Variants in CHD6 observed in about 807,000 individuals in gnomAD.
The protein encoded by CHD6 is ATP-dependent chromatin remodeler CHD6.
In CHD6, 50 loss-of-function variants were observed where a neutral mutation model predicts 276.9. That is an observed-to-expected ratio of 0.18 (90% CI 0.14 to 0.23). The LOEUF is 0.23. Among genes scored for constraint, CHD6 ranks in the 10% least tolerant of loss-of-function variants. CHD6 has a pLI of 1.00. For synonymous variants in CHD6, 1,173 were observed against 1,229.3 expected (o/e 0.95, Z 0.96); for missense variants, 2,564 against 3,365.8 (o/e 0.76, Z 5.89).
At chr20:41,479,667 GAC>G (rs1306215071) in intron 16 of CHD6, among the ~76,000 whole-genome samples, 2 of 152,118 alleles carry the variant, frequency 1.3e-5, no homozygotes, top group African/African-American at 2.4e-5. Flanking sequence ...GACAGGAGAA[GAC>G]ACTGTACTTG....
chr20:41,483,125 G>C (rs1026232876), intron 16 of CHD6, among the ~76,000 whole-genome samples, 184 bp downstream of exon 16: 9 of 152,032 alleles, frequency 5.9e-5, no homozygotes, highest in African/African-American at 1.9e-4. Context: ...ACTCTTGACA[G>C]TTAAACTTGG....
chr20:41,448,467 C>T (rs768931045), intron 23 of CHD6, among the ~76,000 whole-genome samples: 1 of 152,242 alleles, frequency 6.6e-6, no homozygotes, highest in Non-Finnish European at 1.5e-5. Flanking sequence ...ATGGACCACA[C>T]TCAGGCTCCA....
chr20:41,460,405 C>G (rs1426021280), intron 17 of CHD6, among the ~76,000 whole-genome samples: 1 of 152,230 alleles, frequency 6.6e-6, no homozygotes, highest in African/African-American at 2.4e-5. Context: ...CAGAGACCTT[C>G]ATGGCAGCCC....
intron 1 of CHD6, among the ~76,000 whole-genome samples, chr20:41,599,243 T>C (rs902107154): frequency 6.6e-6 from 1 of 152,120 alleles, no homozygotes; most frequent in Non-Finnish European, 1.5e-5. Context: ...CCAAGAAAGG[T>C]GGGAGTCTGT....
chr20:41,617,704 T>C (rs1300556201), intron 1 of CHD6, among the ~76,000 whole-genome samples: 1 of 151,986 alleles, frequency 6.6e-6, no homozygotes, highest in African/African-American at 2.4e-5. Flanking sequence ...GGGCTCCAAT[T>C]TTCGGGGCGA....
chr20:41,607,313 G>A (rs2146298608), intron 1 of CHD6, among the ~76,000 whole-genome samples: 1 of 152,280 alleles, frequency 6.6e-6, no homozygotes, highest in East Asian at 1.9e-4. Context: ...TTCTTCTTGA[G>A]TCTTAACAAA....
At chr20:41,548,733 G>A (rs867752368) in intron 2 of CHD6, among the ~76,000 whole-genome samples, 4 of 151,880 alleles carry the variant, frequency 2.6e-5, no homozygotes, top group African/African-American at 4.8e-5. Flanking sequence ...GAAAATTTTC[G>A]CAACCTACTC....
At chr20:41,431,864 C>T (rs1600842937) in intron 27 of CHD6, among the ~76,000 whole-genome samples, 2 of 146,110 alleles carry the variant, frequency 1.4e-5, no homozygotes, top group African/African-American at 5.2e-5. Context: ...AAAAAAGGCC[C>T]TCAAAAAAAA....
chr20:41,524,311 C>T (rs1022018239), intron 3 of CHD6, among the ~76,000 whole-genome samples: 2 of 152,082 alleles, frequency 1.3e-5, no homozygotes, highest in African/African-American at 2.4e-5. Context: ...TAAAAAGACC[C>T]TAATTATTTT....
chr20:41,520,928 T>C (rs1358508063), intron 3 of CHD6, among the ~76,000 whole-genome samples: 4 of 151,814 alleles, frequency 2.6e-5, no homozygotes. Flanking sequence ...TGTGTAAGAA[T>C]AAAGGGAAAA....
At chr20:41,459,851 G>A (rs535516787) in intron 17 of CHD6, among the ~76,000 whole-genome samples, 17 of 152,338 alleles carry the variant, frequency 1.1e-4, no homozygotes, top group South Asian at 1.0e-3. Flanking sequence ...ACCCGAAAAC[G>A]CGGAAGCGAC....
chr20:41,480,854 CTTT>C (rs1471938248), intron 16 of CHD6, among the ~76,000 whole-genome samples: 1 of 152,018 alleles, frequency 6.6e-6, no homozygotes, highest in East Asian at 1.9e-4. Context: ...GCACATACAA[CTTT>C]AATGAAAATA....
In CHD6 at chr20:41,452,843, C is replaced by T. The variant is rs2048279928; in HGVS notation, c.3220G>A (p.Asp1074Asn). The T allele has an allele frequency of 6.2e-7, 1 of 1,613,290 alleles. No individual in the cohort carries two copies. The highest frequency in any genetic ancestry group is 8.5e-7 in the Non-Finnish European group (1 of 1,179,870). Residue 1074 changes from aspartate (D) to asparagine (N), a missense_variant, in exon 21 of 37, where the codon GAC becomes AAC. Coordinates refer to ENST00000373233, the MANE Select transcript of CHD6 (RefSeq NM_032221.5). This position sits in a 1 kb window ranked among gnomAD's most constrained non-coding sequence, Gnocchi z 4.2. ...GATCTCGTGGGCCTTTCGTCTGAGT[C>T]GCTGTCTAACTCTGAAAACTCCATG... ...ELMEFSELDS[D>N]SDERPTRSRR...
chr20:41,499,485 A>G (rs2043779555), intron 5 of CHD6, 128 bp from the exon 6 acceptor site: 1 of 690,264 alleles, frequency 1.4e-6, no homozygotes, highest in Admixed American at 2.9e-5. Flanking sequence ...AAGGCCTCCC[A>G]TCAGGCCACA....
intron 1 of CHD6, among the ~76,000 whole-genome samples, chr20:41,572,890 G>A (rs1365535559): frequency 6.6e-6 from 1 of 151,894 alleles, no homozygotes; most frequent in Non-Finnish European, 1.5e-5. Flanking sequence ...CTGTACTTGG[G>A]ACAGTATAAT....
intron 1 of CHD6, among the ~76,000 whole-genome samples, chr20:41,562,513 T>G (rs953734720): frequency 2.0e-5 from 3 of 152,162 alleles, no homozygotes; most frequent in Middle Eastern, 3.4e-3. Flanking sequence ...TTTTGTATTA[T>G]GAATTCTTTT....
intron 1 of CHD6, chr20:41,614,714 G>A (rs2045919563): frequency 1.3e-5 from 2 of 152,208 alleles, no homozygotes; most frequent in Admixed American, 1.3e-4. Context: ...ACTACCTTCA[G>A]GACTTTTATG....
intron 1 of CHD6, among the ~76,000 whole-genome samples, chr20:41,572,421 A>G (rs1234853067): frequency 1.3e-5 from 2 of 152,192 alleles, no homozygotes; most frequent in East Asian, 3.8e-4. Context: ...AGACACGGAC[A>G]GCAGGGACTC....
At chr20:41,414,072 G>C (rs888572560) in intron 34 of CHD6, 2 of 152,192 alleles carry the variant, frequency 1.3e-5, no homozygotes, top group African/African-American at 4.8e-5. Flanking sequence ...GGAATTCTAT[G>C]ATCATTATAG....
Sources: allele counts gnomAD v4.1 joint callset (sites outside exome capture counted in the v4.1 genomes callset), GRCh38; gene constraint gnomAD v4.1.1; non-coding constraint Gnocchi (gnomAD v3.1); transcripts MANE v1.5; gene names NCBI Gene and HGNC (gene_info 2026-07-23, HGNC 2026-07-21).